Variants in TRPM3 observed in about 807,000 individuals in gnomAD.
TRPM3 encodes the protein transient receptor potential cation channel subfamily M member 3.
In TRPM3, 77 loss-of-function variants were observed where a neutral mutation model predicts 181.2. The observed-to-expected ratio is 0.42, with a 90% CI of 0.35 to 0.51. The LOEUF is 0.51. Among genes scored for constraint, TRPM3 ranks in the 20% least tolerant of loss-of-function variants. The pLI, the probability that TRPM3 is intolerant of heterozygous loss-of-function variation, is 0.01. For missense variants in TRPM3, 1,759 were observed against 2,196.7 expected (o/e 0.80, Z 3.98); for synonymous variants, 745 against 796.4 (o/e 0.94, Z 1.09).
At chr9:70,877,806 C>CACACACAG (rs1368709320) in intron 1 of TRPM3, among the ~76,000 whole-genome samples, 2 of 150,136 alleles carry the variant, frequency 1.3e-5, no homozygotes, top group African/African-American at 4.9e-5. Context: ...AATCATAAAA[C>CACACACAG]ACACACACAC....
chr9:71,253,188 G>A (rs1265147865), intron 1 of TRPM3, among the ~76,000 whole-genome samples: 1 of 152,070 alleles, frequency 6.6e-6, no homozygotes, highest in Non-Finnish European at 1.5e-5. Flanking sequence ...ATTTCTCACA[G>A]ATGATTCATT....
chr9:71,183,193 C>T (rs1029240890), intron 1 of TRPM3, among the ~76,000 whole-genome samples: 23 of 152,078 alleles, frequency 1.5e-4, no homozygotes, highest in African/African-American at 5.1e-4. Flanking sequence ...TGATTCAGAA[C>T]TTGTGTGTGT....
At chr9:71,408,483 C>A (rs551814543) in intron 1 of TRPM3, among the ~76,000 whole-genome samples, 103 of 151,856 alleles carry the variant, frequency 6.8e-4, no homozygotes, top group Admixed American at 1.3e-3. Context: ...CCGATTCAAT[C>A]AAGTGGAAAA....
intron 1 of TRPM3, among the ~76,000 whole-genome samples, chr9:71,324,781 C>T (rs917408137): frequency 2.6e-5 from 4 of 151,768 alleles, no homozygotes; most frequent in East Asian, 3.9e-4. Context: ...GTATACCGCT[C>T]GGCCATTAGA....
intron 9 of TRPM3, among the ~76,000 whole-genome samples, chr9:70,670,832 T>C (rs902172006): frequency 2.0e-5 from 3 of 152,198 alleles, no homozygotes; most frequent in African/African-American, 7.2e-5. Context: ...GTGTCCCTTA[T>C]ATCAAACCAT....
chr9:70,588,696 G>A (rs10735599), intron 22 of TRPM3, among the ~76,000 whole-genome samples: 120,444 of 152,118 alleles, frequency 0.79, 47,860 homozygotes, highest in East Asian at 0.84. Flanking sequence ...GAGGCAAGAC[G>A]TCGTAGGGCA....
chr9:70,912,564 G>A (rs1361449594), intron 1 of TRPM3, among the ~76,000 whole-genome samples: 2 of 152,120 alleles, frequency 1.3e-5, no homozygotes, highest in African/African-American at 4.8e-5. Flanking sequence ...AGGAGAGTAA[G>A]GAAATGTGAA....
chr9:70,856,443 C>G (rs2095390523), intron 3 of TRPM3, among the ~76,000 whole-genome samples: 1 of 152,154 alleles, frequency 6.6e-6, no homozygotes, highest in Non-Finnish European at 1.5e-5. Flanking sequence ...ATTTAATTTC[C>G]TACTTGGTGT....
intron 9 of TRPM3, among the ~76,000 whole-genome samples, chr9:70,644,874 A>T (rs2058590191): frequency 1.3e-5 from 2 of 152,208 alleles, no homozygotes; most frequent in South Asian, 4.1e-4. Context: ...AGGATACAAA[A>T]TCAATGTGCA....
At chr9:71,413,295 G>C (rs893015783) in intron 1 of TRPM3, among the ~76,000 whole-genome samples, 1 of 151,918 alleles carries the variant, frequency 6.6e-6, no homozygotes, top group Admixed American at 6.6e-5. Context: ...TGAGTATTTA[G>C]CATGAGGAAG....
upstream of TRPM3, among the ~76,000 whole-genome samples, chr9:71,124,233 TTCTC>T (rs764197169): frequency 3.3e-5 from 5 of 151,872 alleles, no homozygotes; most frequent in African/African-American, 1.2e-4. Flanking sequence ...TTCAAGACCC[TTCTC>T]TCTACTTTCA....
intron 8 of TRPM3, among the ~76,000 whole-genome samples, chr9:70,701,624 T>C (rs2072616125): frequency 6.6e-6 from 1 of 152,222 alleles, no homozygotes; most frequent in Non-Finnish European, 1.5e-5. Context: ...TAGGGACCAT[T>C]TGATAAATTA....
chr9:70,835,882 G>T (rs1741358764), intron 5 of TRPM3, among the ~76,000 whole-genome samples: 1 of 152,070 alleles, frequency 6.6e-6, no homozygotes, highest in South Asian at 2.1e-4. Context: ...GGTGGCCTAG[G>T]TTTAAATCCC....
intron 12 of TRPM3, among the ~76,000 whole-genome samples, chr9:70,626,128 A>G (rs1042418101): frequency 6.6e-6 from 1 of 152,192 alleles, no homozygotes; most frequent in Admixed American, 6.5e-5. Flanking sequence ...GCTGTTTGCC[A>G]TCTATACATG....
chr9:71,376,383 A>G lies in TRPM3; in HGVS notation c.183+70270T>C, dbSNP rs575906850. Among the ~76,000 whole-genome samples, 127 of 152,218 alleles carry G rather than the reference A, an allele frequency of 8.3e-4. 4 individuals are homozygous for G. The South Asian group carries it at 0.026, about 31-fold the overall frequency. On this transcript the variant is annotated intron_variant, in intron 1 of 24. Coordinates refer to the TRPM3 transcript ENST00000357533. ...TGATTTACATGAATATTTTAATAGA[A>G]TAAGGTTATAAATATGTATCATTGC...
chr9:71,145,677 T>C (rs952262039), intron 1 of TRPM3, among the ~76,000 whole-genome samples: 32 of 152,168 alleles, frequency 2.1e-4, no homozygotes, highest in African/African-American at 7.2e-4. Context: ...ACTGTTAGTA[T>C]ACTATTCTGA....
chr9:70,878,700 T>G lies in TRPM3; in HGVS notation c.178-14189A>C, dbSNP rs138791852. On this transcript the variant is annotated intron_variant, in intron 1 of 25. Coordinates refer to ENST00000677713, the MANE Select transcript of TRPM3 (RefSeq NM_001366145.2). ...ATGCTTATTCTCAATTTTTGTACTC[T>G]TATCATTCACAAACAGTTTGTGGGC... is the stretch of plus-strand genomic sequence containing the variant. Among the ~76,000 whole-genome samples the G allele has an allele frequency of 4.5e-3, 692 of 152,200 alleles. 2 individuals are homozygous for G. Among genetic ancestry groups the G allele is most frequent in the Non-Finnish European group, 7.3e-3 (498 of 67,982 alleles).
At position 70,598,452 on chromosome 9, in the gene TRPM3, A is replaced by G. The variant is rs1229279118; in HGVS notation, c.3015T>C (p.Tyr1005=). 1 of 1,614,192 alleles carries G rather than the reference A, an allele frequency of 6.2e-7. No homozygotes were observed. The highest frequency in any genetic ancestry group is 1.7e-5 in the Admixed American group (1 of 60,034). The change falls in exon 21 of 26, where the codon TAT becomes TAC. Residue 1005 remains tyrosine (Y), a synonymous_variant. Transcript: ENST00000677713. ...CAATCATCATTACATACGGGCCCAA[A>G]TACTTGTTCACGCCGAAGATGTCTA... The part of the protein sequence containing the change: ...RLLDIFGVNK[Y]LGPYVMMIGK...
At chr9:71,219,869 G>C (rs2080124096) in intron 1 of TRPM3, among the ~76,000 whole-genome samples, 1 of 152,136 alleles carries the variant, frequency 6.6e-6, no homozygotes, top group Non-Finnish European at 1.5e-5. Context: ...TCTGGAAACT[G>C]TCTGATAGTG....
Sources: allele counts gnomAD v4.1 joint callset (sites outside exome capture counted in the v4.1 genomes callset), GRCh38; gene constraint gnomAD v4.1.1; transcripts MANE v1.5; gene names NCBI Gene and HGNC (gene_info 2026-07-23, HGNC 2026-07-21).